Variants in CDH13 observed in about 807,000 individuals in gnomAD.
CDH13 encodes cadherin 13, also known as cadherin-13.
CDH13 carries 24 observed loss-of-function variants against 63.8 expected under a neutral mutation model. The observed-to-expected ratio is 0.38, with a 90% CI of 0.27 to 0.53. CDH13 has a LOEUF of 0.53. CDH13 is among the 20% of genes least tolerant of loss of function. The pLI, the probability that CDH13 is intolerant of heterozygous loss-of-function variation, is 0.85. For synonymous variants in CDH13, 503 were observed against 355.3 expected, an observed-to-expected ratio of 1.42 and a Z score of -4.67; for missense variants, 1,049 against 903.1, an observed-to-expected ratio of 1.16 and a Z score of -2.07.
At chr16:82,982,522 C>T (rs1219465280) in intron 2 of CDH13, among the ~76,000 whole-genome samples, 3 of 152,178 alleles carry the variant, frequency 2.0e-5, no homozygotes, top group Non-Finnish European at 4.4e-5. Context: ...ACTATTCCTC[C>T]ATGTTCAAAG....
intron 2 of CDH13, among the ~76,000 whole-genome samples, chr16:82,892,862 A>G (rs1216512485): frequency 6.6e-6 from 1 of 152,188 alleles, no homozygotes; most frequent in East Asian, 1.9e-4. Flanking sequence ...ATTTTACAGT[A>G]GTGTCAAGTA....
chr16:83,756,097 G>T (rs779877723), intron 11 of CDH13, among the ~76,000 whole-genome samples: 4 of 151,984 alleles, frequency 2.6e-5, no homozygotes, highest in Non-Finnish European at 5.9e-5. Context: ...AACCCTTAGG[G>T]TAATCACTAA....
chr16:83,394,991 T>C (rs1279269164), intron 6 of CDH13, among the ~76,000 whole-genome samples: 1 of 151,870 alleles, frequency 6.6e-6, no homozygotes, highest in Non-Finnish European at 1.5e-5. Flanking sequence ...CTACTAAAAA[T>C]GCAAAAATTT....
chr16:83,697,170 G>A (rs962850822), intron 10 of CDH13, among the ~76,000 whole-genome samples: 8 of 152,116 alleles, frequency 5.3e-5, no homozygotes, highest in African/African-American at 1.7e-4. Flanking sequence ...TACTCATGGC[G>A]CTTTCATGGT....
At chr16:82,697,793 T>A (rs2030521667) in intron 1 of CDH13, among the ~76,000 whole-genome samples, 1 of 149,786 alleles carries the variant, frequency 6.7e-6, no homozygotes, top group African/African-American at 2.5e-5. Context: ...GTGTGTAAGT[T>A]TTTTCATGAA....
intron 7 of CDH13, among the ~76,000 whole-genome samples, chr16:83,504,375 G>C (rs1295534506): frequency 2.0e-5 from 3 of 152,152 alleles, no homozygotes; most frequent in African/African-American, 7.2e-5. Flanking sequence ...CATTTTGGAG[G>C]TATTTCTTCA....
intron 6 of CDH13, among the ~76,000 whole-genome samples, chr16:83,372,289 G>A (rs1311501998): frequency 1.3e-5 from 2 of 152,174 alleles, no homozygotes; most frequent in Non-Finnish European, 2.9e-5. Flanking sequence ...AATTCCAGAA[G>A]TCTGATTTCA....
intron 4 of CDH13, among the ~76,000 whole-genome samples, chr16:83,196,293 C>A: frequency 6.6e-6 from 1 of 151,868 alleles, no homozygotes. Context: ...AATGTTAACT[C>A]AAAGTGGATC....
chr16:83,019,945 G>A (rs1915193780), intron 2 of CDH13, among the ~76,000 whole-genome samples: 1 of 151,084 alleles, frequency 6.6e-6, no homozygotes, highest in Non-Finnish European at 1.5e-5. Flanking sequence ...ATAATTTTAT[G>A]TGCTTGACTT....
In CDH13 at chr16:83,237,924, G is replaced by C. The variant is rs549917161; in HGVS notation, c.636+20427G>C. ...ATGCAGTGGTGCTTTGAGAAAATGAGGTACAGAGAGGTGAAGTAACTATGC... is the reference window on the plus strand; with the variant it reads ...ATGCAGTGGTGCTTTGAGAAAATGACGTACAGAGAGGTGAAGTAACTATGC... On this transcript the variant is annotated intron_variant, in intron 5 of 13. Coordinates refer to ENST00000567109, the MANE Select transcript of CDH13 (RefSeq NM_001257.5). Among the ~76,000 whole-genome samples the C allele has an allele frequency of 2.3e-3, 356 of 152,242 alleles. 1 individual carries two copies. The highest frequency in any genetic ancestry group is 7.7e-3 in the African/African-American group (320 of 41,532).
chr16:83,496,987 C>A (rs1236131239), intron 7 of CDH13, among the ~76,000 whole-genome samples: 8 of 152,128 alleles, frequency 5.3e-5, no homozygotes, highest in Admixed American at 5.2e-4. Context: ...GTTAGAATGG[C>A]GATCATTCAA....
intron 8 of CDH13, among the ~76,000 whole-genome samples, chr16:83,650,053 C>T (rs764671439): frequency 1.8e-4 from 28 of 152,090 alleles, no homozygotes; most frequent in Admixed American, 1.3e-3. Flanking sequence ...TTGAGACAGC[C>T]CCAAGGGTGA....
intron 4 of CDH13, among the ~76,000 whole-genome samples, chr16:83,165,391 T>C (rs527809832): frequency 1.4e-4 from 21 of 152,166 alleles, no homozygotes; most frequent in Non-Finnish European, 2.9e-4. Context: ...GGTTGTGTGC[T>C]TAACTCTTCC....
chr16:82,729,945 G>T (rs1474903814), intron 1 of CDH13, among the ~76,000 whole-genome samples: 3 of 152,260 alleles, frequency 2.0e-5, no homozygotes, highest in African/African-American at 7.2e-5. Context: ...TAAACCTCAT[G>T]AACCAAACTC....
At chr16:82,900,369 A>G (rs2041420991) in intron 2 of CDH13, among the ~76,000 whole-genome samples, 1 of 152,214 alleles carries the variant, frequency 6.6e-6, no homozygotes, top group South Asian at 2.1e-4. Context: ...GATCTTTGGC[A>G]CAAGAGTTTC....
chr16:83,353,144 T>A (rs907958681), intron 6 of CDH13, among the ~76,000 whole-genome samples: 1 of 152,186 alleles, frequency 6.6e-6, no homozygotes, highest in African/African-American at 2.4e-5. Context: ...CAGGTGATAG[T>A]TACACTAAAA....
At chr16:83,116,819 C>T (rs768859079) in intron 3 of CDH13, among the ~76,000 whole-genome samples, 1 of 152,180 alleles carries the variant, frequency 6.6e-6, no homozygotes, top group South Asian at 2.1e-4. Context: ...GCGAGAGGGG[C>T]TCCAGCCAGA....
chr16:83,514,882 A>G (rs1217620018), intron 7 of CDH13, among the ~76,000 whole-genome samples: 2 of 152,146 alleles, frequency 1.3e-5, no homozygotes, highest in Non-Finnish European at 2.9e-5. Context: ...CTCCAGGACT[A>G]TTAGAGTAAA....
chr16:83,511,170 A>T (rs1211413221), intron 7 of CDH13, among the ~76,000 whole-genome samples: 1 of 152,192 alleles, frequency 6.6e-6, no homozygotes, highest in Non-Finnish European at 1.5e-5. Context: ...ACACACACAG[A>T]ATGGTTCGTG....
Sources: allele counts gnomAD v4.1 joint callset (sites outside exome capture counted in the v4.1 genomes callset), GRCh38; gene constraint gnomAD v4.1.1; transcripts MANE v1.5; gene names NCBI Gene and HGNC (gene_info 2026-07-23, HGNC 2026-07-21).